Variants in EHMT1 observed in about 807,000 individuals in gnomAD.
EHMT1 encodes the protein euchromatic histone lysine methyltransferase 1, also known as histone-lysine N-methyltransferase EHMT1.
In EHMT1, 15 loss-of-function variants were observed where a neutral mutation model predicts 147.2. That is an observed-to-expected ratio of 0.10 (90% CI 0.07 to 0.16). EHMT1 has a LOEUF of 0.16. Among genes scored for constraint, EHMT1 ranks in the 10% least tolerant of loss-of-function variants. The pLI is 1.00. For synonymous variants in EHMT1, 795 were observed against 709.6 expected (o/e 1.12, Z -1.91); for missense variants, 1,587 against 1,772.4 (o/e 0.90, Z 1.88).
chr9:137,700,819 T>C (rs979756705), intron 1 of EHMT1, among the ~76,000 whole-genome samples: 4 of 152,212 alleles, frequency 2.6e-5, no homozygotes, highest in African/African-American at 9.6e-5. Context: ...TGTTTTACTA[T>C]AAAAAATGCC....
intron 1 of EHMT1, among the ~76,000 whole-genome samples, chr9:137,700,541 T>C (rs1679225958): frequency 6.6e-6 from 1 of 152,216 alleles, no homozygotes; most frequent in Admixed American, 6.5e-5. Context: ...ACGTCAAATG[T>C]GTGCTGAGGT....
chr9:137,711,698 C>T (rs951346415), intron 2 of EHMT1, among the ~76,000 whole-genome samples: 6 of 152,008 alleles, frequency 3.9e-5, no homozygotes, highest in Non-Finnish European at 7.4e-5. Context: ...ACATAGGGTT[C>T]GGATGTTCTT....
chr9:137,688,180 C>G (rs961228175), intron 1 of EHMT1, among the ~76,000 whole-genome samples: 5 of 152,102 alleles, frequency 3.3e-5, no homozygotes, highest in Non-Finnish European at 5.9e-5. Context: ...TGCGCCACCA[C>G]GCCTGGCTAA....
chr9:137,826,781 T>C (rs1406918484), intron 25 of EHMT1, among the ~76,000 whole-genome samples: 2 of 152,238 alleles, frequency 1.3e-5, no homozygotes, highest in Non-Finnish European at 2.9e-5. Context: ...GATGCGGCTG[T>C]GGCCTTCACT....
chr9:137,654,819 C>G (rs1396207878), intron 1 of EHMT1, among the ~76,000 whole-genome samples: 2 of 152,076 alleles, frequency 1.3e-5, no homozygotes, highest in Non-Finnish European at 2.9e-5. Context: ...GAACAGTGCA[C>G]ATGGTTCTGA....
At chr9:137,728,650 C>A in intron 4 of EHMT1, 121 bp downstream of exon 4, 2 of 1,368,536 alleles carry the variant, frequency 1.5e-6, no homozygotes, top group Non-Finnish European at 2.0e-6. Context: ...TGACTGTTGA[C>A]GTCAGCTGGC....
chr9:137,681,896 G>T (rs539381863), intron 1 of EHMT1, among the ~76,000 whole-genome samples: 43 of 152,290 alleles, frequency 2.8e-4, no homozygotes, highest in Middle Eastern at 3.4e-3. Context: ...GCGGGTCACT[G>T]ATGCGGGAAG....
At chr9:137,742,939 C>T (rs749924084) in intron 4 of EHMT1, 6 of 272,756 alleles carry the variant, frequency 2.2e-5, no homozygotes, top group Admixed American at 5.1e-5. Context: ...TCCTGCTCCG[C>T]GCTGCGTCCT....
Position 137,775,088 on chromosome 9 carries a change from A to G in EHMT1, c.1648-21A>G. On this transcript the variant is annotated intron_variant, in intron 10 of 26. Coordinates refer to ENST00000460843, the MANE Select transcript of EHMT1 (RefSeq NM_024757.5). This position sits in a 1 kb window ranked among gnomAD's most constrained non-coding sequence, Gnocchi z 6.1. Reference sequence around the variant, plus strand: ...GCCTCTCGTGACTCTGACATTGACCACCAGTCTTGTCTGATTGCAGTTGGG... The same window carrying G: ...GCCTCTCGTGACTCTGACATTGACCGCCAGTCTTGTCTGATTGCAGTTGGG... 6.2e-7 allele frequency: 1 copy of G among 1,613,876 alleles called. No individual in the cohort carries two copies. Among genetic ancestry groups the G allele is most frequent in the Non-Finnish European group, 8.5e-7 (1 of 1,179,984 alleles).
At chr9:137,814,653 G>A (rs1489371194) in intron 22 of EHMT1, 145 bp downstream of exon 22, 1 of 904,464 alleles carries the variant, frequency 1.1e-6, no homozygotes, top group African/African-American at 1.7e-5. Flanking sequence ...ACAGGCAGGG[G>A]AGGCACAGCG....
intron 4 of EHMT1, among the ~76,000 whole-genome samples, chr9:137,742,289 TTGTGTGTGTGTGTG>T (rs56080406): frequency 3.8e-4 from 52 of 135,170 alleles, no homozygotes; most frequent in East Asian, 3.5e-3. Context: ...AGAACCAAAT[TTGTGTGTGTGTGTG>T]TGTGTGTGTG....
chr9:137,685,517 T>C (rs572882821), intron 1 of EHMT1, among the ~76,000 whole-genome samples: 1 of 152,248 alleles, frequency 6.6e-6, no homozygotes, highest in Non-Finnish European at 1.5e-5. Flanking sequence ...CTGGCTCTTG[T>C]GAATAATGCT....
At chr9:137,718,897 A>G (rs1945641629) in intron 3 of EHMT1, among the ~76,000 whole-genome samples, 1 of 151,796 alleles carries the variant, frequency 6.6e-6, no homozygotes. Context: ...CTGGGACTAC[A>G]GGCGCCTACC....
chr9:137,825,968 ATTG>A (rs1450983818), intron 25 of EHMT1, among the ~76,000 whole-genome samples: 3 of 152,128 alleles, frequency 2.0e-5, no homozygotes, highest in East Asian at 1.9e-4. Flanking sequence ...AGTTTCATGA[ATTG>A]TTGTTGAATT....
chr9:137,679,464 A>C (rs540511647), intron 1 of EHMT1, among the ~76,000 whole-genome samples: 1 of 152,238 alleles, frequency 6.6e-6, no homozygotes, highest in Admixed American at 6.5e-5. Flanking sequence ...ATGTTTTGTT[A>C]GGGGTTACTG....
chr9:137,758,413 A>G (rs905965545), intron 9 of EHMT1, among the ~76,000 whole-genome samples: 12 of 152,210 alleles, frequency 7.9e-5, no homozygotes, highest in Admixed American at 3.3e-4. Context: ...TTGAGCTGAG[A>G]GTTCTGACAT....
At position 137,782,976 on chromosome 9, in the gene EHMT1, T is replaced by C. The variant is rs991949391; in HGVS notation, c.2382+579T>C. Among the ~76,000 whole-genome samples, 1 of 152,198 alleles carries C rather than the reference T, an allele frequency of 6.6e-6. No homozygotes were observed. Among genetic ancestry groups the C allele is most frequent in the Non-Finnish European group, 1.5e-5 (1 of 68,036 alleles). Reference sequence around the variant, plus strand: ...CCCCTTCCCTGATCCCGGTGTTGGATCCCCTGTTTCTCAAGTGCCAGGTTT... The same window carrying C: ...CCCCTTCCCTGATCCCGGTGTTGGACCCCCTGTTTCTCAAGTGCCAGGTTT... On this transcript the variant is annotated intron_variant, in intron 15 of 26. Coordinates refer to ENST00000460843, the MANE Select transcript of EHMT1 (RefSeq NM_024757.5). This position sits in a 1 kb window ranked among gnomAD's most constrained non-coding sequence, Gnocchi z 5.7.
chr9:137,800,714 T>G lies in EHMT1; in HGVS notation c.2608-166T>G. The G allele has an allele frequency of 4.7e-6, 3 of 644,930 alleles. No homozygotes were observed. The South Asian group carries it at 5.4e-5, about 12-fold the overall frequency. The allele number at this position is 644,930 out of a possible 1,614,324, so 40.0% of individuals were successfully genotyped here. ...TTGTGGAGCTACCTGGGCTGTGCTCTGAGGAAGAACTGTGGCCTCTGAAGG... is the reference window on the plus strand; with the variant it reads ...TTGTGGAGCTACCTGGGCTGTGCTCGGAGGAAGAACTGTGGCCTCTGAAGG... On this transcript the variant is annotated intron_variant, in intron 17 of 26. Transcript: ENST00000460843.
At position 137,813,723 on chromosome 9, in the gene EHMT1, A is replaced by G. The variant is rs1396398262; in HGVS notation, c.3180+193A>G. On this transcript the variant is annotated intron_variant, in intron 21 of 26. Transcript: ENST00000460843. This position sits in a 1 kb window ranked among gnomAD's most constrained non-coding sequence, Gnocchi z 4.9. ...GGCAGATAAAGGTTCTGTCAGGCCC[A>G]GCCCTGGGCCCTCTCATTGCTCTTC... Among the ~76,000 whole-genome samples the G allele has an allele frequency of 6.6e-6, 1 of 152,206 alleles. No homozygotes were observed. The highest frequency in any genetic ancestry group is 1.5e-5 in the Non-Finnish European group (1 of 68,034).
Sources: gnomAD v4.1 joint callset for allele counts (sites outside exome capture counted in the v4.1 genomes callset) on GRCh38, gnomAD v4.1.1 for gene constraint, Gnocchi (gnomAD v3.1) non-coding constraint, MANE v1.5 for transcripts, NCBI Gene and HGNC (gene_info 2026-07-23, HGNC 2026-07-21) for gene names.